CLIP1: variants seen among roughly 807,000 people sequenced by gnomAD.
CLIP1 encodes the protein CAP-Gly domain containing linker protein 1, also known as CAP-Gly domain-containing linker protein 1.
CLIP1 carries 66 observed loss-of-function variants against 161.6 expected under a neutral mutation model. The observed-to-expected ratio is 0.41, with a 90% CI of 0.33 to 0.50. CLIP1 has a LOEUF of 0.50. Among genes scored for constraint, CLIP1 ranks in the 20% least tolerant of loss-of-function variants. The pLI is 0.27. For synonymous variants in CLIP1, 598 were observed against 626.2 expected, an observed-to-expected ratio of 0.96 and a Z score of 0.67; for missense variants, 1,376 against 1,702.0, an observed-to-expected ratio of 0.81 and a Z score of 3.37.
At chr12:122,326,850 A>G (rs1397067624) in intron 17 of CLIP1, among the ~76,000 whole-genome samples, 1 of 152,206 alleles carries the variant, frequency 6.6e-6, no homozygotes, top group Non-Finnish European at 1.5e-5. Context: ...ATGGCTCATA[A>G]AACTGGAGGT....
chr12:122,313,736 A>AC (rs1593042560), intron 19 of CLIP1, among the ~76,000 whole-genome samples: 11 of 152,096 alleles, frequency 7.2e-5, no homozygotes, highest in East Asian at 3.9e-4. Flanking sequence ...AACAACAACA[A>AC]AAAAAAACTA....
rs1955345585 is a variant in CLIP1 at position 122,387,565 on chromosome 12, TATATATATATATATATATA to T, written c.-106-7026_-106-7008del. Among the ~76,000 whole-genome samples, 6 of 10,816 alleles carry T rather than the reference TATATATATATATATATATA, an allele frequency of 5.5e-4. No individual in the cohort carries two copies. In the South Asian group the frequency reaches 8.8e-3, roughly 16 times the overall value. The allele number at this position is 10,816 out of a possible 152,430, so 7.1% of individuals were successfully genotyped here. A position where few individuals can be genotyped will look rare whatever the true frequency, so the allele number is the denominator to read the frequency against. On this transcript the variant is annotated intron_variant, in intron 1 of 25. Transcript: ENST00000620786. ...GCCTTTTCATATATATATATATATATATATATATATATATATATATATATATTTTTTTTTTTTTTTTTTT... is the reference window on the plus strand; with the variant it reads ...GCCTTTTCATATATATATATATATATTATATATTTTTTTTTTTTTTTTTTT...
chr12:122,374,595 C>T (rs911417445), intron 3 of CLIP1, among the ~76,000 whole-genome samples: 3 of 152,064 alleles, frequency 2.0e-5, no homozygotes, highest in Admixed American at 1.3e-4. Flanking sequence ...AACCCTGTCT[C>T]TACTAAAAAT....
intron 1 of CLIP1, among the ~76,000 whole-genome samples, chr12:122,390,815 GTTTATCTCTAGAAC>G (rs1436164362): frequency 6.6e-6 from 1 of 151,116 alleles, no homozygotes; most frequent in East Asian, 1.9e-4. Flanking sequence ...AGAATAAAAT[GTTTATCTCTAGAAC>G]TTAAGTCACT....
At chr12:122,414,713 C>T (rs1956664997) in intron 1 of CLIP1, among the ~76,000 whole-genome samples, 1 of 152,052 alleles carries the variant, frequency 6.6e-6, no homozygotes, top group South Asian at 2.1e-4. Context: ...ATGCACCCGC[C>T]TCGGCCTCCC....
At chr12:122,315,718 G>C (rs1951237386) in intron 19 of CLIP1, among the ~76,000 whole-genome samples, 1 of 150,794 alleles carries the variant, frequency 6.6e-6, no homozygotes, top group East Asian at 2.0e-4. Context: ...TCGGCTCACT[G>C]CAAACTCCGC....
At chr12:122,370,814 A>C (rs1269959162) in intron 3 of CLIP1, among the ~76,000 whole-genome samples, 1 of 151,982 alleles carries the variant, frequency 6.6e-6, no homozygotes, top group Non-Finnish European at 1.5e-5. Context: ...ATCAAGACAC[A>C]GGAAAGGGTA....
In CLIP1 at chr12:122,311,142, C is replaced by G. The variant is rs576487295; in HGVS notation, c.3474-1260G>C. On this transcript the variant is annotated intron_variant, in intron 19 of 25. Transcript: ENST00000620786. The surrounding 1 kb of genome is among the most constrained non-coding windows in gnomAD (Gnocchi z 4.3). ...TATACATGCACATACACACATATCACAGTGAAAGTTCATCTGTCCAAAGTC... is the reference window on the plus strand; with the variant it reads ...TATACATGCACATACACACATATCAGAGTGAAAGTTCATCTGTCCAAAGTC... Among the ~76,000 whole-genome samples, 1 of 152,252 alleles carries G rather than the reference C, an allele frequency of 6.6e-6. No homozygotes were observed. The highest frequency in any genetic ancestry group is 6.5e-5 in the Admixed American group (1 of 15,288).
intron 3 of CLIP1, among the ~76,000 whole-genome samples, chr12:122,367,583 T>C (rs1041275735): frequency 2.6e-5 from 4 of 152,244 alleles, no homozygotes; most frequent in African/African-American, 9.6e-5. Flanking sequence ...CAGAAAAGTC[T>C]AGTACATGCA....
chr12:122,347,262 A>G (rs1952795224), intron 10 of CLIP1, 113 bp downstream of exon 10: 2 of 708,156 alleles, frequency 2.8e-6, no homozygotes, highest in South Asian at 3.7e-5. Context: ...TACCAAGACC[A>G]AACTCAGGTT....
rs558190741 is a variant in CLIP1 at position 122,354,886 on chromosome 12, G to A, written c.1203+229C>T. 9.5e-5 allele frequency: 56 copies of A among 589,562 alleles called. No homozygotes were observed. In the East Asian group the frequency reaches 1.2e-3, roughly 13 times the overall value. 36.5% of individuals were successfully genotyped at this position (589,562 alleles called of 1,614,324 possible). A position where few individuals can be genotyped will look rare whatever the true frequency, so the allele number is the denominator to read the frequency against. ...CTAACACAGACAGGCCAAAAGACCC[G>A]GACACAAAGACCAAACACTAAGGTC... On this transcript the variant is annotated intron_variant, in intron 6 of 25. Coordinates refer to ENST00000620786, the MANE Select transcript of CLIP1 (RefSeq NM_001247997.2).
In CLIP1 at chr12:122,271,711, G is replaced by A. The variant is rs373390873; in HGVS notation, c.*1164C>T. ...TACATATTCTAGAAGACATTCAAAT[G>A]AAGATAAATAGATTCAAACTGGTCG... On this transcript the variant is annotated 3_prime_UTR_variant, in exon 26 of 26. Transcript: ENST00000620786. The A allele has an allele frequency of 3.9e-5, 6 of 152,754 alleles. No individual in the cohort carries two copies. In the East Asian group the frequency reaches 7.7e-4, roughly 20 times the overall value. 9.5% of individuals were successfully genotyped at this position (152,754 alleles called of 1,614,324 possible).
At chr12:122,367,219 A>G (rs1267462982) in intron 3 of CLIP1, among the ~76,000 whole-genome samples, 2 of 152,214 alleles carry the variant, frequency 1.3e-5, no homozygotes, top group East Asian at 3.8e-4. Flanking sequence ...AAGTAATCAC[A>G]AATAACAAAT....
At chr12:122,383,069 A>C (rs115096976) in intron 1 of CLIP1, among the ~76,000 whole-genome samples, 69 of 152,264 alleles carry the variant, frequency 4.5e-4, no homozygotes, top group African/African-American at 1.6e-3. Context: ...GCCAACAACG[A>C]CCATGTCTAC....
At chr12:122,358,046 G>C (rs1396963965) in intron 5 of CLIP1, among the ~76,000 whole-genome samples, 2 of 152,268 alleles carry the variant, frequency 1.3e-5, no homozygotes, top group Non-Finnish European at 2.9e-5. Context: ...TGCCATGTCT[G>C]TGTAGAAAGA....
chr12:122,373,433 A>G (rs1359039712), intron 3 of CLIP1, among the ~76,000 whole-genome samples: 16 of 123,952 alleles, frequency 1.3e-4, no homozygotes, highest in Admixed American at 7.8e-5. Flanking sequence ...CAAAAAAAAG[A>G]AAAAAAAAAA....
At chr12:122,413,571 G>A (rs1037704642) in intron 1 of CLIP1, among the ~76,000 whole-genome samples, 2 of 152,150 alleles carry the variant, frequency 1.3e-5, no homozygotes, top group Non-Finnish European at 2.9e-5. Flanking sequence ...AATTCAAGTC[G>A]GAAGTATTTT....
intron 5 of CLIP1, among the ~76,000 whole-genome samples, chr12:122,357,440 G>C (rs1008512571): frequency 2.7e-5 from 4 of 149,932 alleles, no homozygotes; most frequent in East Asian, 4.1e-4. Context: ...CCCTCCGCCC[G>C]GCAGCCACCC....
chr12:122,341,564 G>GA lies in CLIP1; in HGVS notation c.1639dup (p.Ser547PhefsTer19), dbSNP rs1301502972. ...CAAAGAGCTTATCTCTTGCAAAAGG[G>GA]AAAGTGACATGTCCACATCCCCAGC... On this transcript the variant is annotated frameshift_variant, in exon 11 of 26. Coordinates refer to ENST00000620786, the MANE Select transcript of CLIP1 (RefSeq NM_001247997.2). LOFTEE classifies it high-confidence loss of function. The GA allele has an allele frequency of 6.2e-7, 1 of 1,613,918 alleles. No homozygotes were observed. The highest frequency in any genetic ancestry group is 8.5e-7 in the Non-Finnish European group (1 of 1,179,990).
Sources: allele counts gnomAD v4.1 joint callset (sites outside exome capture counted in the v4.1 genomes callset), GRCh38; gene constraint gnomAD v4.1.1; non-coding constraint Gnocchi (gnomAD v3.1); transcripts MANE v1.5; gene names NCBI Gene and HGNC (gene_info 2026-07-23, HGNC 2026-07-21).